MED13L: variants seen among roughly 807,000 people sequenced by gnomAD.
MED13L encodes the protein mediator complex subunit 13L.
A neutral mutation model predicts 220.9 loss-of-function variants in MED13L; 7 were observed. The ratio of observed to expected loss-of-function variants is 0.03; its 90% confidence interval spans 0.02 to 0.06. The LOEUF (loss-of-function observed/expected upper bound fraction) is 0.06. Among genes scored for constraint, MED13L ranks in the 10% least tolerant of loss-of-function variants. MED13L has a pLI of 1.00. For synonymous variants in MED13L, 1,011 were observed against 1,015.2 expected (o/e 1.00, Z 0.08); for missense variants, 1,965 against 2,760.5 (o/e 0.71, Z 6.46).
At chr12:116,253,386 A>G (rs1002883205) in intron 1 of MED13L, among the ~76,000 whole-genome samples, 1 of 152,106 alleles carries the variant, frequency 6.6e-6, no homozygotes, top group Non-Finnish European at 1.5e-5. Context: ...TAAGGAAAAA[A>G]TATCACTAGT....
chr12:115,990,116 C>T (rs1877959689), intron 17 of MED13L, among the ~76,000 whole-genome samples: 1 of 152,188 alleles, frequency 6.6e-6, no homozygotes, highest in South Asian at 2.1e-4. Context: ...AAGCTCCATA[C>T]AACCAAGGGC....
chr12:116,217,366 CA>C (rs1189562829), intron 2 of MED13L, among the ~76,000 whole-genome samples: 1 of 152,156 alleles, frequency 6.6e-6, no homozygotes, highest in Non-Finnish European at 1.5e-5. Context: ...TGACTAAGTA[CA>C]TTTTTTTAAA....
At chr12:116,033,591 C>G (rs1880987767) in intron 4 of MED13L, among the ~76,000 whole-genome samples, 1 of 152,050 alleles carries the variant, frequency 6.6e-6, no homozygotes, top group Non-Finnish European at 1.5e-5. Context: ...AAAAAAAGAC[C>G]ATCAAAATAT....
intron 4 of MED13L, among the ~76,000 whole-genome samples, chr12:116,053,520 A>G (rs537743112): frequency 2.0e-4 from 30 of 152,330 alleles, no homozygotes; most frequent in Admixed American, 1.6e-3. Flanking sequence ...AGAGTTATTA[A>G]TATTTGAGTG....
intron 4 of MED13L, among the ~76,000 whole-genome samples, chr12:116,035,675 C>T (rs1318073605): frequency 1.3e-5 from 2 of 151,982 alleles, no homozygotes; most frequent in Non-Finnish European, 2.9e-5. Flanking sequence ...ACTGCAGCCT[C>T]GACCTCCCAA....
At chr12:116,104,027 T>TTTTTTTTTTTG (rs1873333304) in intron 3 of MED13L, among the ~76,000 whole-genome samples, 1 of 114,488 alleles carries the variant, frequency 8.7e-6, no homozygotes, top group Non-Finnish European at 1.7e-5. Context: ...TTTTTTTTTT[T>TTTTTTTTTTTG]GAGACGGAGT....
chr12:116,038,435 C>G (rs1881316552), intron 4 of MED13L, among the ~76,000 whole-genome samples: 1 of 152,048 alleles, frequency 6.6e-6, no homozygotes, highest in South Asian at 2.1e-4. Flanking sequence ...AATGGTGTAC[C>G]TTCCCAAATT....
chr12:116,223,385 T>C (rs1196867044), intron 2 of MED13L, among the ~76,000 whole-genome samples: 1 of 152,128 alleles, frequency 6.6e-6, no homozygotes, highest in Non-Finnish European at 1.5e-5. Flanking sequence ...TAAATTTCCA[T>C]TTAAAAAATT....
At chr12:116,176,764 G>A (rs1451606480) in intron 2 of MED13L, among the ~76,000 whole-genome samples, 1 of 149,110 alleles carries the variant, frequency 6.7e-6, no homozygotes, top group Non-Finnish European at 1.5e-5. Flanking sequence ...ATAGAAAACA[G>A]ATGAAACAAA....
rs760771799 is a variant in MED13L at position 116,008,444 on chromosome 12, C to G, written c.1969G>C (p.Asp657His). The G allele has an allele frequency of 6.2e-7, 1 of 1,612,652 alleles. No homozygotes were observed. The highest frequency in any genetic ancestry group is 8.5e-7 in the Non-Finnish European group (1 of 1,179,836). Residue 657 changes from aspartate to histidine, a missense_variant, in exon 10 of 31, where the codon GAT becomes CAT. Transcript: ENST00000281928. ...RPPELQGERCDAKMEVNSEST... is the reference protein window; with the variant it reads ...RPPELQGERCHAKMEVNSEST... ...TCTGAGTTTACCTCCATTTTGGCAT[C>G]ACATCTCTCACCCTGGAGCTCTGGA...
intron 2 of MED13L, among the ~76,000 whole-genome samples, chr12:116,134,892 G>A (rs1214130397): frequency 3.3e-5 from 5 of 152,082 alleles, no homozygotes; most frequent in African/African-American, 4.8e-5. Flanking sequence ...CCATGTGGCC[G>A]GGCGCAGTGG....
In MED13L at chr12:115,982,553, T is replaced by C; in HGVS notation, c.5006A>G (p.Asp1669Gly). The change falls in exon 22 of 31, where the codon GAC (aspartate) becomes GGC (glycine). Residue 1669 changes from aspartate to glycine, a missense_variant. This residue lies in a region of MED13L where 510 missense variants were observed against 620.4 expected (regional missense o/e 0.82). Transcript: ENST00000281928. ...IGIPTEPDSADSHAHPPAVVI... is the reference protein window; with the variant it reads ...IGIPTEPDSAGSHAHPPAVVI... ...AACAGCTGGAGGGTGGGCATGGCTG[T>C]CTGCAGAGTCAGGCTCCGTGGGAAT... 6.2e-7 allele frequency: 1 copy of C among 1,614,160 alleles called. No individual in the cohort carries two copies.
At position 115,980,348 on chromosome 12, in the gene MED13L, TGA is replaced by T. The variant is rs922262177; in HGVS notation, c.5364+400_5364+401del. 233 of 190,392 alleles carry T rather than the reference TGA, an allele frequency of 1.2e-3. 3 individuals carry two copies. Among genetic ancestry groups the T allele is most frequent in the African/African-American group, 5.2e-3 (221 of 42,538 alleles). 11.8% of individuals were successfully genotyped at this position (190,392 alleles called of 1,614,324 possible). On this transcript the variant is annotated intron_variant, in intron 23 of 30. Coordinates refer to ENST00000281928, the MANE Select transcript of MED13L (RefSeq NM_015335.5). ...CTGCCAACTCGTTTTTATTCCCCCCTGAGACAGGGTCTTGCTCTCCAGGCGGA... is the reference window on the plus strand; with the variant it reads ...CTGCCAACTCGTTTTTATTCCCCCCTGACAGGGTCTTGCTCTCCAGGCGGA...
At chr12:115,974,744 C>CA (rs1876818857) in intron 25 of MED13L, among the ~76,000 whole-genome samples, 1 of 151,952 alleles carries the variant, frequency 6.6e-6, no homozygotes, top group African/African-American at 2.4e-5. Flanking sequence ...GTTGTGCCAC[C>CA]AAAAAAACTA....
At chr12:116,097,861 C>T (rs1872739490) in intron 3 of MED13L, among the ~76,000 whole-genome samples, 2 of 152,188 alleles carry the variant, frequency 1.3e-5, no homozygotes, top group Non-Finnish European at 2.9e-5. Flanking sequence ...ATCAAGTTCA[C>T]TCATGTGCAG....
chr12:116,107,721 T>C (rs1489739328), intron 3 of MED13L, among the ~76,000 whole-genome samples: 3 of 152,172 alleles, frequency 2.0e-5, no homozygotes, highest in African/African-American at 7.2e-5. Context: ...TTTGTTAACA[T>C]GCAAACTATG....
chr12:116,272,479 T>C (rs779144097), intron 1 of MED13L, among the ~76,000 whole-genome samples: 8 of 151,954 alleles, frequency 5.3e-5, no homozygotes, highest in Non-Finnish European at 8.8e-5. Flanking sequence ...AGAGAATCCC[T>C]TGAACCCGGG....
At chr12:116,179,204 CGTGTGTGTGTGTGT>C (rs60501771) in intron 2 of MED13L, among the ~76,000 whole-genome samples, 6 of 148,096 alleles carry the variant, frequency 4.1e-5, no homozygotes, top group South Asian at 2.2e-4. Flanking sequence ...TGACGATTTA[CGTGTGTGTGTGTGT>C]GTGTGTGTGT....
chr12:116,049,967 C>T (rs532571873), intron 4 of MED13L, among the ~76,000 whole-genome samples: 3 of 152,128 alleles, frequency 2.0e-5, no homozygotes, highest in Non-Finnish European at 4.4e-5. Flanking sequence ...TACTACGTTG[C>T]AATGTAAGAT....
Sources: gnomAD v4.1 joint callset for allele counts (sites outside exome capture counted in the v4.1 genomes callset) on GRCh38, gnomAD v4.1.1 for gene constraint, gnomAD v4.1.1 regional missense constraint, MANE v1.5 for transcripts, NCBI Gene and HGNC (gene_info 2026-07-23, HGNC 2026-07-21) for gene names.